The following TTC28 variants were observed in gnomAD, a reference collection of about 807,000 sequenced individuals.
The protein encoded by TTC28 is tetratricopeptide repeat domain 28, also known as tetratricopeptide repeat protein 28.
A neutral mutation model predicts 198.0 loss-of-function variants in TTC28; 61 were observed. The ratio of observed to expected loss-of-function variants is 0.31; its 90% CI spans 0.25 to 0.38. The LOEUF is 0.38. Among genes scored for constraint, TTC28 ranks in the 10% least tolerant of loss-of-function variants. TTC28 has a pLI of 1.00. For missense variants in TTC28, 2,678 were observed against 3,164.0 expected (o/e 0.85, Z 3.69); for synonymous variants, 1,171 against 1,297.8 (o/e 0.90, Z 2.10).
chr22:28,500,658 G>A (rs946245395), intron 2 of TTC28, among the ~76,000 whole-genome samples: 8 of 152,048 alleles, frequency 5.3e-5, no homozygotes, highest in Admixed American at 2.0e-4. Context: ...TAAAGACTAC[G>A]ATATGCAGAA....
chr22:28,609,190 C>G (rs957112143), intron 2 of TTC28, among the ~76,000 whole-genome samples: 4 of 152,048 alleles, frequency 2.6e-5, no homozygotes, highest in African/African-American at 9.7e-5. Context: ...CAATATCTTA[C>G]CAAATGGAGA....
intron 2 of TTC28, among the ~76,000 whole-genome samples, chr22:28,550,766 TTAAAAAA>T (rs1343666255): frequency 6.6e-6 from 1 of 152,126 alleles, no homozygotes; most frequent in East Asian, 1.9e-4. Context: ...TGTTCCAGAA[TTAAAAAA>T]TAAAAATTAA....
chr22:28,548,823 T>G (rs1340986408), intron 2 of TTC28, among the ~76,000 whole-genome samples: 2 of 152,182 alleles, frequency 1.3e-5, no homozygotes, highest in African/African-American at 2.4e-5. Context: ...AGTCATGATG[T>G]TCCCCTACCT....
intron 6 of TTC28, among the ~76,000 whole-genome samples, chr22:28,125,565 G>C (rs9625413): frequency 0.072 from 10,894 of 152,226 alleles, 444 homozygotes; most frequent in South Asian, 0.092. Flanking sequence ...ACAAAGAATG[G>C]TTTTACATCT....
At position 28,462,592 on chromosome 22, in the gene TTC28, C is replaced by T. The variant is rs555060123; in HGVS notation, c.382-155949G>A. On this transcript the variant is annotated intron_variant, in intron 2 of 22. Transcript: ENST00000397906. Reference sequence around the variant, plus strand: ...TATACAATAATAATAATGACAACAACTGCAACCTAAGAAATTTCAAGAAGT... The same window carrying T: ...TATACAATAATAATAATGACAACAATTGCAACCTAAGAAATTTCAAGAAGT... Among the ~76,000 whole-genome samples, 17 of 152,324 alleles carry T rather than the reference C, an allele frequency of 1.1e-4. 1 individual carries two copies. The highest frequency in any genetic ancestry group is 3.8e-4 in the African/African-American group (16 of 41,566).
chr22:28,553,187 G>A (rs2049718535), intron 2 of TTC28, among the ~76,000 whole-genome samples: 1 of 152,150 alleles, frequency 6.6e-6, no homozygotes. Context: ...TGCCAAGATT[G>A]CAGCCTCTGC....
chr22:28,629,701 T>C lies in TTC28; in HGVS notation c.232A>G (p.Ile78Val), dbSNP rs985610893. 4.1e-5 allele frequency: 63 copies of C among 1,551,550 alleles called. 1 individual carries two copies. The highest frequency in any genetic ancestry group is 4.8e-5 in the Non-Finnish European group (55 of 1,147,008). The change falls in exon 2 of 23, where the codon ATT becomes GTT. Residue 78 changes from isoleucine (I) to valine (V), a missense_variant. By Grantham distance (29) the Ile-to-Val change is conservative. Transcript: ENST00000397906. ...GCCAGGGCTTCATTATACAGAACAA[T>C]AGCTGTGTGGAAATCTCCATCATGA... ...ACHDGDFHTA[I>V]VLYNEALAVD...
intron 10 of TTC28, among the ~76,000 whole-genome samples, chr22:28,096,930 A>G (rs1194475567): frequency 6.6e-6 from 1 of 151,410 alleles, no homozygotes; most frequent in African/African-American, 2.4e-5. Flanking sequence ...TCAACTTCCC[A>G]AGTAGCTGGG....
At chr22:28,433,257 C>T (rs1393915333) in intron 2 of TTC28, among the ~76,000 whole-genome samples, 3 of 152,080 alleles carry the variant, frequency 2.0e-5, no homozygotes, top group South Asian at 2.1e-4. Flanking sequence ...ACTGTCTTGT[C>T]TTTTATTTAT....
intron 2 of TTC28, among the ~76,000 whole-genome samples, chr22:28,627,841 A>C (rs2146201337): frequency 6.6e-6 from 1 of 152,298 alleles, no homozygotes; most frequent in South Asian, 2.1e-4. Context: ...GGCAGCAGCA[A>C]TACTAGAAAT....
intron 12 of TTC28, among the ~76,000 whole-genome samples, chr22:28,057,610 C>T (rs959148187): frequency 1.3e-5 from 2 of 151,954 alleles, no homozygotes; most frequent in African/African-American, 2.4e-5. Context: ...TTTTAAATTG[C>T]GATGATATCT....
chr22:28,579,714 T>C (rs1252931387), intron 2 of TTC28, among the ~76,000 whole-genome samples: 5 of 151,586 alleles, frequency 3.3e-5, no homozygotes, highest in Admixed American at 3.3e-4. Context: ...ACGCCTATAA[T>C]CCCAGCACTT....
Position 28,107,096 on chromosome 22 carries a change from C to G in TTC28, c.2749G>C (p.Ala917Pro). 1 of 1,551,450 alleles carries G rather than the reference C, an allele frequency of 6.4e-7. No homozygotes were observed. Among genetic ancestry groups the G allele is most frequent in the Non-Finnish European group, 8.7e-7 (1 of 1,146,794 alleles). ...AQSLNRMQDQ[A>P]KAYRGLGNGH... ...TTTCCCAGGCCCCGGTAAGCCTTGGCTTGGTCTTGCATGCGATTCAGACTC... is the reference window on the plus strand; with the variant it reads ...TTTCCCAGGCCCCGGTAAGCCTTGGGTTGGTCTTGCATGCGATTCAGACTC... The change falls in exon 7 of 23, where the codon GCC becomes CCC. Residue 917 changes from alanine to proline, a missense_variant. Around this residue, in one of 8 missense-constraint regions of TTC28, gnomAD observed 775 missense variants for 845.9 expected, o/e 0.92. Coordinates refer to ENST00000397906, the MANE Select transcript of TTC28 (RefSeq NM_001145418.2).
chr22:28,495,481 A>T (rs1343224792), intron 2 of TTC28, among the ~76,000 whole-genome samples: 1 of 152,210 alleles, frequency 6.6e-6, no homozygotes, highest in Non-Finnish European at 1.5e-5. Context: ...CAAACTATTC[A>T]TCTCTTGTTA....
intron 20 of TTC28, 147 bp from the exon 21 acceptor site, chr22:27,990,154 G>T (rs1030729575): frequency 1.8e-6 from 2 of 1,106,604 alleles, no homozygotes; most frequent in Non-Finnish European, 2.5e-6. Flanking sequence ...TTTTTCAGGT[G>T]CATTCATACC....
chr22:28,107,901 TC>T lies in TTC28; in HGVS notation c.1943del (p.Gly648GlufsTer7), dbSNP rs1942363481. 6.4e-7 allele frequency: 1 copy of T among 1,551,624 alleles called. No homozygotes were observed. The highest frequency in any genetic ancestry group is 8.7e-7 in the Non-Finnish European group (1 of 1,147,022). Reference protein sequence around the residue: ...HNLGYAHYCLGNYQEAVKYYE... With the variant: ...HNLGYAHYCLXNYQEAVKYYE... The stretch of plus-strand genomic sequence containing the variant: ...AGTACTTCACTGCCTCCTGATAGTT[TC>T]CAAGGCAGTAATGGGCATAGCCAAG... On this transcript the variant is annotated frameshift_variant, in exon 7 of 23. Transcript: ENST00000397906. LOFTEE classifies it high-confidence loss of function.
chr22:28,426,056 CA>C (rs2047344830), intron 2 of TTC28, among the ~76,000 whole-genome samples: 1 of 151,734 alleles, frequency 6.6e-6, no homozygotes, highest in Non-Finnish European at 1.5e-5. Context: ...ACTAAAAATA[CA>C]AAAATTAGTC....
intron 13 of TTC28, among the ~76,000 whole-genome samples, chr22:28,017,805 C>G (rs1205232275): frequency 2.6e-5 from 4 of 152,166 alleles, no homozygotes; most frequent in African/African-American, 9.7e-5. Flanking sequence ...CCACCTGTGT[C>G]AACACCCCTC....
In TTC28 at chr22:28,266,128, C is replaced by T. The variant is rs184888361; in HGVS notation, c.933+30070G>A. ...CTGGGAGGCGGAGGTTGCAGTGAGC[C>T]AAGATCACACCACTACACTCCAGCT... On this transcript the variant is annotated intron_variant, in intron 5 of 22. Coordinates refer to ENST00000397906, the MANE Select transcript of TTC28 (RefSeq NM_001145418.2). Among the ~76,000 whole-genome samples the T allele has an allele frequency of 4.7e-5, 7 of 148,614 alleles. No individual in the cohort carries two copies. In the East Asian group the frequency reaches 1.4e-3, roughly 30 times the overall value.
Sources: allele counts gnomAD v4.1 joint callset (sites outside exome capture counted in the v4.1 genomes callset), GRCh38; gene constraint gnomAD v4.1.1; regional missense constraint gnomAD v4.1.1; transcripts MANE v1.5; gene names NCBI Gene and HGNC (gene_info 2026-07-23, HGNC 2026-07-21).